GRIK1: variants seen among roughly 807,000 people sequenced by gnomAD.
The protein encoded by GRIK1 is glutamate ionotropic receptor kainate type subunit 1.
In GRIK1, 69 loss-of-function variants were observed where a neutral mutation model predicts 105.7. The observed-to-expected ratio is 0.65, with a 90% CI of 0.54 to 0.80. The LOEUF (loss-of-function observed/expected upper bound fraction) is 0.80. Ranked by LOEUF, GRIK1 falls within the 30% of genes least tolerant of loss-of-function variation. The pLI is 0.00. For missense variants in GRIK1, 1,109 were observed against 1,167.3 expected, an observed-to-expected ratio of 0.95 and a Z score of 0.73; for synonymous variants, 438 against 431.3, an observed-to-expected ratio of 1.02 and a Z score of -0.19.
In GRIK1 at chr21:29,694,000, G is replaced by T; in HGVS notation, c.182C>A (p.Ala61Glu). 1 of 1,610,486 alleles carries T rather than the reference G, an allele frequency of 6.2e-7. No homozygotes were observed. Reference sequence around the variant, plus strand: ...TCGGTTTCTGTTAATGCTGGTGACTGCAAACTTGAAAGCTAATTCTTCAAC... The same window carrying T: ...TCGGTTTCTGTTAATGCTGGTGACTTCAAACTTGAAAGCTAATTCTTCAAC... ...VNVEELAFKF[A>E]VTSINRNRTL... Residue 61 changes from alanine (A) to glutamate (E), a missense_variant, in exon 2 of 18, where the codon GCA becomes GAA. Coordinates refer to ENST00000327783, the MANE Select transcript of GRIK1 (RefSeq NM_001330994.2).
chr21:29,705,944 G>C (rs1011821432), intron 1 of GRIK1, among the ~76,000 whole-genome samples: 12 of 150,726 alleles, frequency 8.0e-5, no homozygotes, highest in African/African-American at 2.9e-4. Flanking sequence ...TGCAGTCTCG[G>C]CTCGCTGCAA....
intron 8 of GRIK1, 172 bp from the exon 9 acceptor site, chr21:29,596,742 C>T (rs190489108): frequency 1.3e-4 from 82 of 615,166 alleles, no homozygotes; most frequent in Admixed American, 8.9e-4. Context: ...AGCAAAGAGA[C>T]GAATCAAGAC....
chr21:29,868,190 T>C (rs1216684143), intron 1 of GRIK1, among the ~76,000 whole-genome samples: 1 of 152,178 alleles, frequency 6.6e-6, no homozygotes, highest in Admixed American at 6.5e-5. Context: ...ATTGTATAGC[T>C]TCCAGAATTT....
chr21:29,777,763 C>T (rs766891463), intron 1 of GRIK1, among the ~76,000 whole-genome samples: 1 of 151,972 alleles, frequency 6.6e-6, no homozygotes, highest in Non-Finnish European at 1.5e-5. Flanking sequence ...AGGTGACTGT[C>T]GGACTAGAGG....
At chr21:29,790,180 G>A (rs1007135404) in intron 1 of GRIK1, among the ~76,000 whole-genome samples, 16 of 152,230 alleles carry the variant, frequency 1.1e-4, no homozygotes, top group African/African-American at 3.9e-4. Flanking sequence ...CTTCAAAATA[G>A]CTGGGACTAC....
chr21:29,613,700 T>C (rs1185262460), intron 7 of GRIK1, among the ~76,000 whole-genome samples: 2 of 152,244 alleles, frequency 1.3e-5, no homozygotes, highest in African/African-American at 2.4e-5. Context: ...GTGGCTAGTA[T>C]GGCCAATGTA....
chr21:29,911,617 T>C (rs1436950119), intron 1 of GRIK1, among the ~76,000 whole-genome samples: 1 of 152,084 alleles, frequency 6.6e-6, no homozygotes, highest in Non-Finnish European at 1.5e-5. Flanking sequence ...ATGGTACTGG[T>C]AGGCGGGGCC....
chr21:29,639,389 G>A (rs2146514774), intron 7 of GRIK1, among the ~76,000 whole-genome samples: 1 of 152,270 alleles, frequency 6.6e-6, no homozygotes. Context: ...TTGTAATGGA[G>A]GTACAAAGCC....
chr21:29,802,967 T>G (rs1473420812), intron 1 of GRIK1, among the ~76,000 whole-genome samples: 1 of 152,170 alleles, frequency 6.6e-6, no homozygotes, highest in Non-Finnish European at 1.5e-5. Flanking sequence ...AGCACAGTCC[T>G]ATAGATATGA....
intron 3 of GRIK1, among the ~76,000 whole-genome samples, chr21:29,676,240 G>A (rs2063264225): frequency 6.6e-6 from 1 of 152,152 alleles, no homozygotes; most frequent in South Asian, 2.1e-4. Context: ...AGGTAAACTG[G>A]CTTCAGAAAG....
intron 1 of GRIK1, among the ~76,000 whole-genome samples, chr21:29,892,425 G>A (rs1218105349): frequency 6.6e-6 from 1 of 152,202 alleles, no homozygotes; most frequent in Non-Finnish European, 1.5e-5. Context: ...ATAATTGGGA[G>A]AGGAATTTGA....
chr21:29,541,527 A>G (rs1300475841), intron 16 of GRIK1, among the ~76,000 whole-genome samples: 1 of 146,986 alleles, frequency 6.8e-6, no homozygotes, highest in Non-Finnish European at 1.5e-5. Context: ...AAAGTTTTAT[A>G]TACCATAGTA....
chr21:29,581,794 A>G (rs944402798), intron 12 of GRIK1, among the ~76,000 whole-genome samples: 1 of 152,176 alleles, frequency 6.6e-6, no homozygotes, highest in African/African-American at 2.4e-5. Context: ...CCTCAGCTCT[A>G]TGTCTACTGA....
chr21:29,576,081 A>T (rs75299759), intron 14 of GRIK1, among the ~76,000 whole-genome samples: 1,613 of 151,860 alleles, frequency 0.011, 42 homozygotes, highest in African/African-American at 0.036. Flanking sequence ...TCTGTTATAG[A>T]CTAGGTATTT....
intron 15 of GRIK1, among the ~76,000 whole-genome samples, chr21:29,560,327 C>CTTTCTTTT (rs2090374332): frequency 8.2e-6 from 1 of 122,190 alleles, no homozygotes. Context: ...TTCTTTCTTT[C>CTTTCTTTT]TTTCTTTCTT....
intron 7 of GRIK1, among the ~76,000 whole-genome samples, chr21:29,599,283 T>C (rs532446567): frequency 1.3e-5 from 2 of 152,140 alleles, no homozygotes; most frequent in South Asian, 4.1e-4. Context: ...CAAATTCCCT[T>C]TGAGATATGG....
At position 29,564,259 on chromosome 21, in the gene GRIK1, T is replaced by C. The variant is rs922162184; in HGVS notation, c.2131-2410A>G. On this transcript the variant is annotated intron_variant, in intron 14 of 17. Transcript: ENST00000327783. ...GCCTCCCGGGTTCACGCCATTCTCCTGCCTCAGCCTCCCAAGTAGCTGGGA... is the reference window on the plus strand; with the variant it reads ...GCCTCCCGGGTTCACGCCATTCTCCCGCCTCAGCCTCCCAAGTAGCTGGGA... Among the ~76,000 whole-genome samples the C allele has an allele frequency of 2.6e-5, 4 of 152,008 alleles. No homozygotes were observed. In the South Asian group the frequency reaches 8.3e-4, roughly 32 times the overall value.
chr21:29,893,804 G>T (rs2070002153), intron 1 of GRIK1, among the ~76,000 whole-genome samples: 1 of 152,174 alleles, frequency 6.6e-6, no homozygotes, highest in Non-Finnish European at 1.5e-5. Flanking sequence ...CTAGCATGGA[G>T]GTTGCCCCAT....
At chr21:29,692,278 C>T (rs894377075) in intron 2 of GRIK1, among the ~76,000 whole-genome samples, 2 of 152,074 alleles carry the variant, frequency 1.3e-5, no homozygotes, top group African/African-American at 4.8e-5. Flanking sequence ...ATGTGGTTGG[C>T]TTTCTACAGT....
Sources: allele counts gnomAD v4.1 joint callset (sites outside exome capture counted in the v4.1 genomes callset), GRCh38; gene constraint gnomAD v4.1.1; transcripts MANE v1.5; gene names NCBI Gene and HGNC (gene_info 2026-07-23, HGNC 2026-07-21).